The following FNDC3A variants were observed in gnomAD, a reference collection of about 807,000 sequenced individuals.
The protein encoded by FNDC3A is fibronectin type III domain containing 3A.
A neutral mutation model predicts 148.9 loss-of-function variants in FNDC3A; 32 were observed. That is an observed-to-expected ratio of 0.21 (90% CI 0.16 to 0.29). The LOEUF (loss-of-function observed/expected upper bound fraction) is 0.29. Ranked by LOEUF, FNDC3A falls within the 10% of genes least tolerant of loss-of-function variation. The probability of loss-of-function intolerance (pLI) is 1.00; values close to 1 mark genes in which losing one functional copy is unlikely to be tolerated. For synonymous variants in FNDC3A, 472 were observed against 473.6 expected, an observed-to-expected ratio of 1.00 and a Z score of 0.04; for missense variants, 1,191 against 1,452.8, an observed-to-expected ratio of 0.82 and a Z score of 2.93.
rs142492894 is a variant in FNDC3A, at chr13:49,158,573, G to T, written c.978-8671G>T. ...TTTTCTCCCATTCTGTAGGTTGCCT[G>T]TTCACTCTGATGGTAGTTTATTTTG... is the stretch of plus-strand genomic sequence containing the variant. On this transcript the variant is annotated intron_variant, in intron 8 of 25. Coordinates refer to ENST00000492622, the MANE Select transcript of FNDC3A (RefSeq NM_001079673.2). Among the ~76,000 whole-genome samples the T allele has an allele frequency of 5.4e-3, 815 of 152,312 alleles. 3 individuals are homozygous for T. The highest frequency in any genetic ancestry group is 0.027 in the Middle Eastern group (8 of 294).
At chr13:49,170,926 C>T (rs1884723018) in intron 10 of FNDC3A, among the ~76,000 whole-genome samples, 1 of 152,148 alleles carries the variant, frequency 6.6e-6, no homozygotes, top group Non-Finnish European at 1.5e-5. Flanking sequence ...AATCTGGAGT[C>T]ATTAACACTT....
At chr13:48,981,296 A>G (rs1021812366) in intron 1 of FNDC3A, among the ~76,000 whole-genome samples, 1 of 152,088 alleles carries the variant, frequency 6.6e-6, no homozygotes, top group African/African-American at 2.4e-5. Context: ...CTTATTACCT[A>G]TATGATTTTG....
chr13:49,028,729 C>T (rs533571130), intron 2 of FNDC3A, among the ~76,000 whole-genome samples: 2 of 152,136 alleles, frequency 1.3e-5, no homozygotes, highest in South Asian at 4.2e-4. Context: ...ATCAAGCTGC[C>T]AAATATCTGA....
At chr13:49,006,356 G>T in intron 2 of FNDC3A, 67 bp downstream of exon 2, 1 of 770,136 alleles carries the variant, frequency 1.3e-6, no homozygotes. Context: ...ATTTAAAACA[G>T]ATCACAATAG....
At chr13:49,071,631 A>G (rs1877698379) in intron 2 of FNDC3A, among the ~76,000 whole-genome samples, 1 of 151,790 alleles carries the variant, frequency 6.6e-6, no homozygotes, top group African/African-American at 2.4e-5. Flanking sequence ...ATGATTAGTA[A>G]TGTTGAGCAT....
At chr13:49,087,813 A>C (rs1261060970) in intron 3 of FNDC3A, among the ~76,000 whole-genome samples, 3 of 152,162 alleles carry the variant, frequency 2.0e-5, no homozygotes, top group Non-Finnish European at 4.4e-5. Flanking sequence ...CTTGTTTTTT[A>C]TAAGAGGGGA....
intron 8 of FNDC3A, among the ~76,000 whole-genome samples, chr13:49,151,494 A>G (rs890966135): frequency 9.2e-5 from 14 of 152,128 alleles, no homozygotes; most frequent in African/African-American, 2.9e-4. Context: ...TTTCTTGTAG[A>G]CAGCATATAA....
chr13:49,189,588 T>G (rs183665679), intron 17 of FNDC3A, among the ~76,000 whole-genome samples: 252 of 152,288 alleles, frequency 1.7e-3, no homozygotes, highest in African/African-American at 5.7e-3. Context: ...GAAAGTATTC[T>G]TTTTTAAAAA....
At chr13:49,003,575 GT>G (rs1952167025) in intron 1 of FNDC3A, among the ~76,000 whole-genome samples, 1 of 151,892 alleles carries the variant, frequency 6.6e-6, no homozygotes, top group Non-Finnish European at 1.5e-5. Flanking sequence ...TTTTGTTTAT[GT>G]TTTAAGAAAT....
chr13:49,043,352 T>C (rs888613008), intron 2 of FNDC3A, among the ~76,000 whole-genome samples: 2 of 152,222 alleles, frequency 1.3e-5, no homozygotes, highest in African/African-American at 4.8e-5. Context: ...TTCTTTGAAA[T>C]TTGTGAAACT....
rs199635237 is a variant in FNDC3A at position 49,193,905 on chromosome 13, T to TGA, written c.2226+2524_2226+2525dup. Reference sequence around the variant, plus strand: ...ACTACATCCAGCCTGGGCGACAGAGTGAGACTCTGTCTCAAAAAAAAAAGC... The same window carrying TGA: ...ACTACATCCAGCCTGGGCGACAGAGTGAGAGACTCTGTCTCAAAAAAAAAAGC... On this transcript the variant is annotated intron_variant, in intron 19 of 25. Transcript: ENST00000492622. 2.7e-3 allele frequency among the ~76,000 whole-genome samples: 409 copies of TGA among 150,836 alleles called. 2 individuals carry two copies. The highest frequency in any genetic ancestry group is 7.9e-3 in the African/African-American group (323 of 40,994).
intron 14 of FNDC3A, among the ~76,000 whole-genome samples, chr13:49,183,106 C>T (rs1196616786): frequency 6.6e-6 from 1 of 152,172 alleles, no homozygotes; most frequent in African/African-American, 2.4e-5. Flanking sequence ...ACCTTCCAGT[C>T]CATACTTGAA....
intron 3 of FNDC3A, among the ~76,000 whole-genome samples, chr13:49,097,907 G>A (rs1326266344): frequency 6.6e-6 from 1 of 152,018 alleles, no homozygotes; most frequent in African/African-American, 2.4e-5. Flanking sequence ...AAATTGTAAG[G>A]CCATAGTGTA....
At chr13:49,184,943 A>T (rs1387320120) in intron 14 of FNDC3A, among the ~76,000 whole-genome samples, 1 of 148,280 alleles carries the variant, frequency 6.7e-6, no homozygotes, top group Non-Finnish European at 1.5e-5. Context: ...GTTGCAGAGC[A>T]TAAGGGGGAG....
At chr13:49,038,855 A>G (rs1206400970) in intron 2 of FNDC3A, among the ~76,000 whole-genome samples, 3 of 151,978 alleles carry the variant, frequency 2.0e-5, no homozygotes, top group Non-Finnish European at 4.4e-5. Flanking sequence ...ATTCATAAAC[A>G]TTTTTCTTTA....
intron 3 of FNDC3A, among the ~76,000 whole-genome samples, chr13:49,110,113 C>A (rs1457076626): frequency 3.3e-5 from 5 of 152,094 alleles, no homozygotes; most frequent in Non-Finnish European, 7.4e-5. Flanking sequence ...ATAAGGAAGT[C>A]TGAAAGATGG....
rs756997260 is a variant in FNDC3A, at chr13:49,191,025, C to G, written c.1955C>G (p.Ser652Cys). ...CTTTTGTTTTGGCAGGTCTCTGAAT[C>G]TTTACTTGTGCAGACTCCAGCTGTG... ...SDGGQSAVSESLLVQTPAVPP... is the reference protein window; with the variant it reads ...SDGGQSAVSECLLVQTPAVPP... Residue 652 changes from serine (S) to cysteine (C), a missense_variant, in exon 18 of 26, where the codon TCT (serine) becomes TGT (cysteine). Physicochemically the swap from Ser to Cys is moderately radical, Grantham distance 112. Coordinates refer to ENST00000492622, the MANE Select transcript of FNDC3A (RefSeq NM_001079673.2). The G allele has an allele frequency of 6.2e-7, 1 of 1,608,940 alleles. No homozygotes were observed. The highest frequency in any genetic ancestry group is 1.7e-5 in the Admixed American group (1 of 58,904).
At chr13:49,046,839 T>A (rs1875448241) in intron 2 of FNDC3A, 1 of 139,988 alleles carries the variant, frequency 7.1e-6, no homozygotes, top group South Asian at 2.7e-4. Flanking sequence ...AGTCTCTTTT[T>A]AAAAAGTTAA....
chr13:49,164,642 C>G (rs1417933663), intron 8 of FNDC3A, among the ~76,000 whole-genome samples: 2 of 150,250 alleles, frequency 1.3e-5, no homozygotes, highest in Non-Finnish European at 3.0e-5. Context: ...GAGTTTTGCT[C>G]TTGTTGCCCA....
Sources: allele counts gnomAD v4.1 joint callset (sites outside exome capture counted in the v4.1 genomes callset), GRCh38; gene constraint gnomAD v4.1.1; transcripts MANE v1.5; gene names NCBI Gene and HGNC (gene_info 2026-07-23, HGNC 2026-07-21).